Variants in CAMTA1 observed in about 807,000 individuals in gnomAD.
CAMTA1 encodes calmodulin binding transcription activator 1.
CAMTA1 carries 27 observed loss-of-function variants against 170.9 expected under a neutral mutation model. That is an observed-to-expected ratio of 0.16 (90% CI 0.12 to 0.22). The LOEUF is 0.22. Among genes scored for constraint, CAMTA1 ranks in the 10% least tolerant of loss-of-function variants. The pLI is 1.00. For missense variants in CAMTA1, 1,619 were observed against 2,217.2 expected (o/e 0.73, Z 5.42); for synonymous variants, 833 against 891.5 (o/e 0.93, Z 1.17).
chr1:6,873,107 G>A (rs1668854346), intron 3 of CAMTA1, among the ~76,000 whole-genome samples: 1 of 152,054 alleles, frequency 6.6e-6, no homozygotes, highest in South Asian at 2.1e-4. Flanking sequence ...TGGCCTGTTG[G>A]GTATGTTTTC....
chr1:7,357,616 A>G (rs997590245), intron 5 of CAMTA1, among the ~76,000 whole-genome samples: 3 of 152,206 alleles, frequency 2.0e-5, no homozygotes, highest in Non-Finnish European at 4.4e-5. Flanking sequence ...TAAGCTATCC[A>G]AAAAATTTCA....
chr1:6,862,863 G>A (rs1363705919), intron 3 of CAMTA1, among the ~76,000 whole-genome samples: 1 of 152,042 alleles, frequency 6.6e-6, no homozygotes, highest in African/African-American at 2.4e-5. Context: ...CCTTGTTTTG[G>A]AAAGAAGAGA....
In CAMTA1 at chr1:6,918,016, G is replaced by C. The variant is rs11580637; in HGVS notation, c.234+92806G>C. Reference sequence around the variant, plus strand: ...GCTGTCTGGGACCTAGGCTGGGTGGGGCTGGGTTAGGCCTCACATCTAGAA... The same window carrying C: ...GCTGTCTGGGACCTAGGCTGGGTGGCGCTGGGTTAGGCCTCACATCTAGAA... On this transcript the variant is annotated intron_variant, in intron 3 of 22. Transcript: ENST00000303635. The surrounding 1 kb of genome is among the most constrained non-coding windows in gnomAD (Gnocchi z 4.0). Among the ~76,000 whole-genome samples the C allele has an allele frequency of 6.6e-6, 1 of 152,096 alleles. No homozygotes were observed. The highest frequency in any genetic ancestry group is 1.5e-5 in the Non-Finnish European group (1 of 68,012).
At chr1:7,046,307 A>AT (rs907636743) in intron 3 of CAMTA1, among the ~76,000 whole-genome samples, 1 of 152,112 alleles carries the variant, frequency 6.6e-6, no homozygotes, top group Admixed American at 6.5e-5. Context: ...AACCTCCCAC[A>AT]TTTTTCTGGC....
Position 7,014,643 on chromosome 1 carries a change from G to A in CAMTA1, c.235-76661G>A, listed in dbSNP as rs1180170063. 6.6e-6 allele frequency among the ~76,000 whole-genome samples: 1 copy of A among 152,192 alleles called. No homozygotes were observed. Among genetic ancestry groups the A allele is most frequent in the Non-Finnish European group, 1.5e-5 (1 of 68,044 alleles). On this transcript the variant is annotated intron_variant, in intron 3 of 22. Coordinates refer to ENST00000303635, the MANE Select transcript of CAMTA1 (RefSeq NM_015215.4). This position sits in a 1 kb window ranked among gnomAD's most constrained non-coding sequence, Gnocchi z 4.2. ...GTCCCTTAACACGGAGTCTGGAATT[G>A]TTTCTCATAACCCAACGCTTGGCTT...
intron 5 of CAMTA1, among the ~76,000 whole-genome samples, chr1:7,376,097 T>C (rs756373378): frequency 1.3e-5 from 2 of 152,250 alleles, no homozygotes; most frequent in Non-Finnish European, 2.9e-5. Context: ...CAAGGTCACC[T>C]AAGGGCTCCC....
Position 7,664,992 on chromosome 1 carries a change from C to A in CAMTA1, c.2445C>A (p.Thr815=). 1 of 1,607,028 alleles carries A rather than the reference C, an allele frequency of 6.2e-7. No homozygotes were observed. ...AGGACGGGGCGCGGGCCCCCTTCACCCAGGCAGAGATGTGCCTCCCCTGCT... is the reference window on the plus strand; with the variant it reads ...AGGACGGGGCGCGGGCCCCCTTCACACAGGCAGAGATGTGCCTCCCCTGCT... The part of the protein sequence containing the change: ...QSEDGARAPF[T]QAEMCLPCCS... The change falls in exon 9 of 23, where the codon ACC becomes ACA. Residue 815 remains threonine, a synonymous_variant. Coordinates refer to ENST00000303635, the MANE Select transcript of CAMTA1 (RefSeq NM_015215.4).
Position 6,971,550 on chromosome 1 carries a change from G to C in CAMTA1, c.235-119754G>C, listed in dbSNP as rs1029712569. 6.6e-6 allele frequency among the ~76,000 whole-genome samples: 1 copy of C among 152,072 alleles called. No homozygotes were observed. The highest frequency in any genetic ancestry group is 1.5e-5 in the Non-Finnish European group (1 of 68,004). On this transcript the variant is annotated intron_variant, in intron 3 of 22. Coordinates refer to ENST00000303635, the MANE Select transcript of CAMTA1 (RefSeq NM_015215.4). This position sits in a 1 kb window ranked among gnomAD's most constrained non-coding sequence, Gnocchi z 4.6. ...TTTGGAGTTGCTCAGGGGCCAAAGT[G>C]CCTTCTGGGTAAGTCTCTAACCGAA...
At chr1:7,558,666 A>C (rs903663587) in intron 6 of CAMTA1, among the ~76,000 whole-genome samples, 2 of 152,170 alleles carry the variant, frequency 1.3e-5, no homozygotes, top group Non-Finnish European at 2.9e-5. Context: ...AAACACACGG[A>C]ACTCACCCGC....
At chr1:7,406,045 A>G (rs2090262559) in intron 5 of CAMTA1, among the ~76,000 whole-genome samples, 1 of 152,248 alleles carries the variant, frequency 6.6e-6, no homozygotes, top group Non-Finnish European at 1.5e-5. Flanking sequence ...CAGAGGTTAA[A>G]TGGTGAGGAA....
In CAMTA1 at chr1:7,260,861, G is replaced by A. The variant is rs150154644; in HGVS notation, c.438+11235G>A. Among the ~76,000 whole-genome samples, 139 of 152,344 alleles carry A rather than the reference G, an allele frequency of 9.1e-4. 1 individual carries two copies. The highest frequency in any genetic ancestry group is 8.3e-3 in the East Asian group (43 of 5,184). On this transcript the variant is annotated intron_variant, in intron 5 of 22. Transcript: ENST00000303635. ...AATTTACCTACAGTTTATGATGGAT[G>A]CGAGAGGTAGACATTTATCACAAAA...
chr1:7,164,726 A>C (rs1444451073), intron 4 of CAMTA1, among the ~76,000 whole-genome samples: 1 of 152,262 alleles, frequency 6.6e-6, no homozygotes, highest in Non-Finnish European at 1.5e-5. Flanking sequence ...GCAGCGTTTC[A>C]GCCAGTAAGG....
intron 3 of CAMTA1, among the ~76,000 whole-genome samples, chr1:7,072,336 G>A (rs949960480): frequency 6.6e-6 from 1 of 152,218 alleles, no homozygotes; most frequent in African/African-American, 2.4e-5. Context: ...GATGCGAGGT[G>A]TGTGGGCTCC....
In CAMTA1 at chr1:6,859,592, C is replaced by T. The variant is rs1490472761; in HGVS notation, c.234+34382C>T. Among the ~76,000 whole-genome samples the T allele has an allele frequency of 2.0e-5, 3 of 152,036 alleles. No homozygotes were observed. The East Asian group carries it at 5.8e-4, about 29-fold the overall frequency. The stretch of plus-strand genomic sequence containing the variant: ...TCACTTGAGCCCAGGAGTTCAAGAC[C>T]AGCCTGGGCAACATAGGGAGACCTG... On this transcript the variant is annotated intron_variant, in intron 3 of 22. Coordinates refer to ENST00000303635, the MANE Select transcript of CAMTA1 (RefSeq NM_015215.4).
At chr1:7,403,215 G>T (rs564692537) in intron 5 of CAMTA1, among the ~76,000 whole-genome samples, 3 of 152,204 alleles carry the variant, frequency 2.0e-5, no homozygotes, top group East Asian at 3.9e-4. Context: ...TTAGCCAGGC[G>T]TGATGACGGG....
rs1708787387 is a variant in CAMTA1, at chr1:7,065,052, C to T, written c.235-26252C>T. Among the ~76,000 whole-genome samples the T allele has an allele frequency of 6.6e-6, 1 of 152,052 alleles. No homozygotes were observed. The highest frequency in any genetic ancestry group is 1.5e-5 in the Non-Finnish European group (1 of 67,986). Reference sequence around the variant, plus strand: ...CTGGGGAAAAACAGGTTTGAGGAGGCAAATAAAAAAATCTCTGTTGCACAC... The same window carrying T: ...CTGGGGAAAAACAGGTTTGAGGAGGTAAATAAAAAAATCTCTGTTGCACAC... On this transcript the variant is annotated intron_variant, in intron 3 of 22. Transcript: ENST00000303635. The surrounding 1 kb of genome is among the most constrained non-coding windows in gnomAD (Gnocchi z 5.2).
intron 4 of CAMTA1, among the ~76,000 whole-genome samples, chr1:7,129,038 A>T (rs373907193): frequency 6.6e-6 from 1 of 151,662 alleles, no homozygotes; most frequent in Non-Finnish European, 1.5e-5. Flanking sequence ...CCACCTCACT[A>T]TGTTGGACAG....
chr1:7,578,400 C>G (rs909121104), intron 6 of CAMTA1, among the ~76,000 whole-genome samples: 1 of 152,194 alleles, frequency 6.6e-6, no homozygotes, highest in Non-Finnish European at 1.5e-5. Flanking sequence ...CCGCCAGGCT[C>G]TCACAGCAGC....
At chr1:6,811,242 A>G (rs1025673684) in intron 1 of CAMTA1, among the ~76,000 whole-genome samples, 1 of 152,226 alleles carries the variant, frequency 6.6e-6, no homozygotes, top group African/African-American at 2.4e-5. Flanking sequence ...GAAGTGTTTT[A>G]TAGACTACAA....
Sources: allele counts gnomAD v4.1 joint callset (sites outside exome capture counted in the v4.1 genomes callset), GRCh38; gene constraint gnomAD v4.1.1; non-coding constraint Gnocchi (gnomAD v3.1); transcripts MANE v1.5; gene names NCBI Gene and HGNC (gene_info 2026-07-23, HGNC 2026-07-21).